The following ZBTB16 variants were observed in gnomAD, a reference collection of about 807,000 sequenced individuals.
ZBTB16 encodes the protein zinc finger and BTB domain containing 16, also known as zinc finger and BTB domain-containing protein 16.
In ZBTB16, 8 loss-of-function variants were observed where a neutral mutation model predicts 56.8. The ratio of observed to expected loss-of-function variants is 0.14; its 90% CI spans 0.08 to 0.25. The LOEUF (loss-of-function observed/expected upper bound fraction) is 0.25, where lower values mean the gene tolerates loss of function less well. Ranked by LOEUF, ZBTB16 falls within the 10% of genes least tolerant of loss-of-function variation. The probability of loss-of-function intolerance (pLI) is 1.00; values close to 1 mark genes in which losing one functional copy is unlikely to be tolerated. For missense variants in ZBTB16, 625 were observed against 903.0 expected, an observed-to-expected ratio of 0.69 and a Z score of 3.95; for synonymous variants, 363 against 368.5, an observed-to-expected ratio of 0.98 and a Z score of 0.17.
intron 4 of ZBTB16, among the ~76,000 whole-genome samples, chr11:114,190,783 A>G (rs1357339050): frequency 6.6e-6 from 1 of 152,148 alleles, no homozygotes; most frequent in East Asian, 1.9e-4. Flanking sequence ...ATGTGTATAC[A>G]TACACACACA....
chr11:114,111,615 G>C (rs146255307), intron 2 of ZBTB16, among the ~76,000 whole-genome samples: 1 of 152,308 alleles, frequency 6.6e-6, no homozygotes, highest in Non-Finnish European at 1.5e-5. Context: ...CCTCAGCCAA[G>C]GCAAACATTA....
At chr11:114,113,917 C>T (rs1022217023) in intron 2 of ZBTB16, among the ~76,000 whole-genome samples, 4 of 152,158 alleles carry the variant, frequency 2.6e-5, no homozygotes, top group African/African-American at 9.7e-5. Context: ...CAAAGTTGCA[C>T]AATCAATATT....
At chr11:114,220,340 G>A (rs1944205171) in intron 4 of ZBTB16, among the ~76,000 whole-genome samples, 1 of 152,198 alleles carries the variant, frequency 6.6e-6, no homozygotes, top group African/African-American at 2.4e-5. Context: ...GTGTTGGAGT[G>A]GGGGATGTGT....
intron 2 of ZBTB16, among the ~76,000 whole-genome samples, chr11:114,118,553 ATTTAT>A (rs1183740848): frequency 6.6e-6 from 1 of 152,108 alleles, no homozygotes; most frequent in East Asian, 1.9e-4. Context: ...CTTGGAAAGG[ATTTAT>A]TTAATTTATT....
At chr11:114,130,572 A>G (rs1327298032) in intron 2 of ZBTB16, among the ~76,000 whole-genome samples, 2 of 152,240 alleles carry the variant, frequency 1.3e-5, no homozygotes, top group African/African-American at 4.8e-5. Flanking sequence ...TGGGTTGGCT[A>G]TGAATGTGGG....
At chr11:114,111,156 C>CGT (rs4020003) in intron 2 of ZBTB16, among the ~76,000 whole-genome samples, 6,593 of 148,896 alleles carry the variant, frequency 0.044, 400 homozygotes, top group African/African-American at 0.13. Flanking sequence ...ATCTGTGCTG[C>CGT]GTGTGTGTGT....
intron 2 of ZBTB16, among the ~76,000 whole-genome samples, chr11:114,090,378 G>A (rs1940141186): frequency 6.6e-6 from 1 of 152,220 alleles, no homozygotes. Flanking sequence ...AATGGCCTCT[G>A]GAACTTTTGG....
intron 2 of ZBTB16, among the ~76,000 whole-genome samples, chr11:114,151,249 G>A (rs900856838): frequency 6.6e-6 from 1 of 152,132 alleles, no homozygotes; most frequent in Non-Finnish European, 1.5e-5. Context: ...CAAAGCATTG[G>A]GGTGACTTTT....
chr11:114,079,800 C>T (rs137977423), intron 2 of ZBTB16, among the ~76,000 whole-genome samples: 1 of 152,266 alleles, frequency 6.6e-6, no homozygotes, highest in East Asian at 1.9e-4. Flanking sequence ...GTTGGCCTCA[C>T]TTCTTAGGTG....
intron 4 of ZBTB16, among the ~76,000 whole-genome samples, chr11:114,241,240 A>G (rs1028292994): frequency 6.6e-6 from 1 of 151,986 alleles, no homozygotes; most frequent in South Asian, 2.1e-4. Flanking sequence ...AGTTAAAAAA[A>G]AAAAACAAAA....
At chr11:114,236,161 T>C (rs147183405) in intron 4 of ZBTB16, among the ~76,000 whole-genome samples, 308 of 152,360 alleles carry the variant, frequency 2.0e-3, no homozygotes, top group Non-Finnish European at 3.4e-3. Flanking sequence ...AGCTGACTTA[T>C]ATATCTGATT....
intron 4 of ZBTB16, among the ~76,000 whole-genome samples, chr11:114,225,940 G>A (rs1944319911): frequency 1.3e-5 from 2 of 152,236 alleles, no homozygotes; most frequent in South Asian, 2.1e-4. Context: ...AATACAGAAA[G>A]GAAACTAAGA....
At chr11:114,155,604 T>G (rs1942390887) in intron 2 of ZBTB16, among the ~76,000 whole-genome samples, 1 of 152,146 alleles carries the variant, frequency 6.6e-6, no homozygotes, top group Non-Finnish European at 1.5e-5. Flanking sequence ...TGAGAGCATG[T>G]GTATGAAGAG....
intron 2 of ZBTB16, among the ~76,000 whole-genome samples, chr11:114,099,607 A>G (rs1458204903): frequency 2.0e-5 from 3 of 152,264 alleles, no homozygotes; most frequent in Middle Eastern, 3.4e-3. Context: ...ATGGTTCTTA[A>G]AGCTGTGTGG....
chr11:114,195,898 G>T (rs1230295383), intron 4 of ZBTB16, among the ~76,000 whole-genome samples: 6 of 152,162 alleles, frequency 3.9e-5, no homozygotes, highest in Admixed American at 6.5e-5. Flanking sequence ...CAAGGCCATG[G>T]TGAGGTCTTC....
chr11:114,199,318 G>A (rs977978017), intron 4 of ZBTB16, among the ~76,000 whole-genome samples: 6 of 151,550 alleles, frequency 4.0e-5, no homozygotes, highest in African/African-American at 1.5e-4. Flanking sequence ...TGGGCCCCGG[G>A]ATGGGGATGC....
At chr11:114,194,411 CT>C (rs1943562746) in intron 4 of ZBTB16, among the ~76,000 whole-genome samples, 1 of 152,186 alleles carries the variant, frequency 6.6e-6, no homozygotes, top group African/African-American at 2.4e-5. Context: ...TCCTTGCCCC[CT>C]GCCCTCAAGA....
intron 2 of ZBTB16, among the ~76,000 whole-genome samples, chr11:114,139,550 C>T (rs906375805): frequency 6.6e-6 from 1 of 151,534 alleles, no homozygotes; most frequent in African/African-American, 2.4e-5. Flanking sequence ...AGGTTTCCTT[C>T]TCCCCCCCCA....
chr11:114,197,601 C>T (rs976908513), intron 4 of ZBTB16, among the ~76,000 whole-genome samples: 1 of 145,688 alleles, frequency 6.9e-6, no homozygotes, highest in African/African-American at 2.5e-5. Flanking sequence ...GAGACAGTCC[C>T]TGGCTCTGAA....
Sources: gnomAD v4.1 joint callset for allele counts (sites outside exome capture counted in the v4.1 genomes callset) on GRCh38, gnomAD v4.1.1 for gene constraint, MANE v1.5 for transcripts, NCBI Gene and HGNC (gene_info 2026-07-23, HGNC 2026-07-21) for gene names.